OPRM1: variants seen among roughly 807,000 people sequenced by gnomAD.
The protein encoded by OPRM1 is mu-type opioid receptor.
OPRM1 carries 27 observed loss-of-function variants against 31.8 expected under a neutral mutation model. That is an observed-to-expected ratio of 0.85 (90% CI 0.63 to 1.17). OPRM1 has a LOEUF of 1.17. Ranked by LOEUF, OPRM1 falls within the 50% of genes most tolerant of loss-of-function variation. The pLI is 0.00. For missense variants in OPRM1, 536 were observed against 511.1 expected (o/e 1.05, Z -0.47); for synonymous variants, 196 against 189.9 (o/e 1.03, Z -0.26).
rs1791989483 is a variant in OPRM1, at chr6:154,090,951, G to T, written c.644-1G>T. 1 of 1,607,974 alleles carries T rather than the reference G, an allele frequency of 6.2e-7. No homozygotes were observed. Among genetic ancestry groups the T allele is most frequent in the African/African-American group, 1.3e-5 (1 of 74,738 alleles). ...TTTTCCTTTAAATTCCTTTCTTCTA[G>T]GTTCCATAGATTGTACACTAACATT... On this transcript the variant is annotated splice_acceptor_variant, in intron 2 of 3. Coordinates refer to ENST00000330432, the MANE Select transcript of OPRM1 (RefSeq NM_000914.5). LOFTEE classifies it high-confidence loss of function.
At chr6:154,103,135 T>A (rs1795108526) in intron 3 of OPRM1, among the ~76,000 whole-genome samples, 1 of 152,002 alleles carries the variant, frequency 6.6e-6, no homozygotes, top group African/African-American at 2.4e-5. Context: ...TATTAAAACA[T>A]TAAGAGGAGT....
At chr6:154,062,523 T>C (rs3778150) in intron 1 of OPRM1, among the ~76,000 whole-genome samples, 24,779 of 151,930 alleles carry the variant, frequency 0.16, 2,142 homozygotes, top group African/African-American at 0.19. Flanking sequence ...CTATTGAGTT[T>C]TCCACAGGGA....
At chr6:154,141,533 G>A (rs1485116307) in intron 3 of OPRM1, among the ~76,000 whole-genome samples, 3 of 152,244 alleles carry the variant, frequency 2.0e-5, no homozygotes, top group African/African-American at 7.2e-5. Context: ...CAGAGGTTGA[G>A]GATGTGCAGC....
chr6:154,054,333 C>T (rs1782789634), intron 1 of OPRM1, among the ~76,000 whole-genome samples: 1 of 143,044 alleles, frequency 7.0e-6, no homozygotes, highest in Non-Finnish European at 1.5e-5. Context: ...CGCGCCACTG[C>T]ACTCCAGTCT....
At chr6:154,087,197 C>A in intron 1 of OPRM1, 2 of 985,402 alleles carry the variant, frequency 2.0e-6, no homozygotes, top group Non-Finnish European at 2.4e-6. Flanking sequence ...GCAAGTATTG[C>A]AGACCAGATC....
intron 3 of OPRM1, among the ~76,000 whole-genome samples, chr6:154,117,455 T>C (rs1160008505): frequency 6.6e-6 from 1 of 152,120 alleles, no homozygotes; most frequent in Non-Finnish European, 1.5e-5. Context: ...TTTAGCATAA[T>C]AGTGCCAGTT....
chr6:154,231,565 C>A (rs527310467), intron 3 of OPRM1, among the ~76,000 whole-genome samples: 1 of 152,204 alleles, frequency 6.6e-6, no homozygotes. Flanking sequence ...CCATACAACG[C>A]GTAGAGCAAT....
rs1797536388 is a variant in OPRM1, at chr6:154,125,485, A to T, written c.*6764A>T. ...TCTTAGCATAAGTATACTCATAAAG[A>T]AAAATAAGTATTTGTTTTAGGTTTT... On this transcript the variant is annotated 3_prime_UTR_variant, in exon 4 of 4. Transcript: ENST00000330432. Among the ~76,000 whole-genome samples, 1 of 152,228 alleles carries T rather than the reference A, an allele frequency of 6.6e-6. No homozygotes were observed. Among genetic ancestry groups the T allele is most frequent in the Non-Finnish European group, 1.5e-5 (1 of 68,038 alleles).
intron 3 of OPRM1, among the ~76,000 whole-genome samples, chr6:154,112,251 A>G (rs1796441876): frequency 6.6e-6 from 1 of 152,162 alleles, no homozygotes; most frequent in South Asian, 2.1e-4. Flanking sequence ...AAGTTCCAAA[A>G]CTGCAAAGGA....
At chr6:154,029,989 G>C (rs1012290001) in intron 1 of OPRM1, among the ~76,000 whole-genome samples, 3 of 152,040 alleles carry the variant, frequency 2.0e-5, no homozygotes, top group Non-Finnish European at 4.4e-5. Context: ...TATTAGCAGC[G>C]TGAGAATGGT....
At chr6:154,219,363 G>T (rs1450879572) in intron 3 of OPRM1, among the ~76,000 whole-genome samples, 5 of 152,172 alleles carry the variant, frequency 3.3e-5, no homozygotes, top group African/African-American at 4.8e-5. Context: ...CAGAATGAGT[G>T]GGAAGGACGG....
downstream of OPRM1, among the ~76,000 whole-genome samples, chr6:154,136,158 G>A (rs769426013): frequency 2.0e-5 from 3 of 152,068 alleles, no homozygotes; most frequent in Admixed American, 6.5e-5. Context: ...TTGGGTCCTG[G>A]CCATCATAAA....
At chr6:154,113,644 T>C (rs1248187813) in intron 3 of OPRM1, among the ~76,000 whole-genome samples, 4 of 152,072 alleles carry the variant, frequency 2.6e-5, no homozygotes, top group South Asian at 2.1e-4. Flanking sequence ...AAAGGGTGAT[T>C]AATTTTGGGG....
intron 3 of OPRM1, among the ~76,000 whole-genome samples, chr6:154,099,636 T>C (rs955009579): frequency 2.2e-5 from 3 of 133,638 alleles, no homozygotes; most frequent in African/African-American, 9.0e-5. Flanking sequence ...TACACATATA[T>C]ACACACATAT....
intron 3 of OPRM1, among the ~76,000 whole-genome samples, chr6:154,207,185 C>A (rs971792690): frequency 2.6e-5 from 4 of 152,154 alleles, no homozygotes; most frequent in African/African-American, 9.7e-5. Flanking sequence ...TGGGGGAGAG[C>A]CACCGGGCTG....
chr6:154,040,111 G>A (rs533813424), intron 1 of OPRM1, among the ~76,000 whole-genome samples: 9 of 152,256 alleles, frequency 5.9e-5, no homozygotes, highest in African/African-American at 2.2e-4. Flanking sequence ...GGGGCGGAGG[G>A]AAGCTATAGC....
At chr6:154,056,097 CTCTTT>C (rs10633291) in intron 1 of OPRM1, among the ~76,000 whole-genome samples, 2,704 of 151,436 alleles carry the variant, frequency 0.018, 72 homozygotes, top group African/African-American at 0.061. Context: ...AATGATGGAG[CTCTTT>C]TCTTTTCTTT....
chr6:154,052,798 T>C (rs1313862650), intron 1 of OPRM1, among the ~76,000 whole-genome samples: 3 of 152,226 alleles, frequency 2.0e-5, no homozygotes, highest in African/African-American at 7.2e-5. Flanking sequence ...TAGTACTTAG[T>C]AGGTGTGTAT....
chr6:154,018,066 G>A (rs1431357133), intron 1 of OPRM1, among the ~76,000 whole-genome samples: 1 of 152,114 alleles, frequency 6.6e-6, no homozygotes, highest in African/African-American at 2.4e-5. Flanking sequence ...TCTGATTTTT[G>A]TTTAACATGC....
Sources: allele counts gnomAD v4.1 joint callset (sites outside exome capture counted in the v4.1 genomes callset), GRCh38; gene constraint gnomAD v4.1.1; transcripts MANE v1.5; gene names NCBI Gene and HGNC (gene_info 2026-07-23, HGNC 2026-07-21).